Variants in DCAF10 observed in about 807,000 individuals in gnomAD.
DCAF10 encodes DDB1- and CUL4-associated factor 10.
Under a neutral mutation model 51.9 loss-of-function variants are expected in DCAF10, and 19 were observed. The observed-to-expected ratio is 0.37, with a 90% CI of 0.26 to 0.54. The LOEUF is 0.54. Among genes scored for constraint, DCAF10 ranks in the 20% least tolerant of loss-of-function variants. The pLI is 0.87. For missense variants in DCAF10, 510 were observed against 730.6 expected, an observed-to-expected ratio of 0.70 and a Z score of 3.48; for synonymous variants, 291 against 297.1, an observed-to-expected ratio of 0.98 and a Z score of 0.21.
intron 2 of DCAF10, among the ~76,000 whole-genome samples, chr9:37,825,036 TAGA>T (rs977716180): frequency 6.6e-6 from 1 of 152,120 alleles, no homozygotes; most frequent in African/African-American, 2.4e-5. Context: ...AATTAGGCAG[TAGA>T]AGATTTTAAA....
intron 2 of DCAF10, among the ~76,000 whole-genome samples, chr9:37,827,440 T>G (rs1829885174): frequency 6.6e-6 from 1 of 151,594 alleles, no homozygotes; most frequent in Admixed American, 6.6e-5. Context: ...GGTGGTAGAG[T>G]TAATGTATTT....
At position 37,860,048 on chromosome 9, in the gene DCAF10, G is replaced by C. The variant is rs1457915280; in HGVS notation, c.1166G>C (p.Gly389Ala). Residue 389 changes from glycine (G) to alanine (A), a missense_variant and splice_region_variant, in exon 6 of 7, where the codon GGA (glycine) becomes GCA (alanine). By Grantham distance (60) the Gly-to-Ala change is moderately conservative. Around this residue, in one of 4 missense-constraint regions of DCAF10, gnomAD observed 29 missense variants for 24.9 expected, o/e 1.16. Transcript: ENST00000377724. ...ACATCCTCATTTTCTTATATCTCAG[G>C]AGTTTCACCACGAAATAGTCTTGAA... Reference protein sequence around the residue: ...KHMSRASQREGVSPRNSLEVV... With the variant: ...KHMSRASQREAVSPRNSLEVV... 1 of 1,613,916 alleles carries C rather than the reference G, an allele frequency of 6.2e-7. No homozygotes were observed. Among genetic ancestry groups the C allele is most frequent in the South Asian group, 1.1e-5 (1 of 91,046 alleles).
In DCAF10 at chr9:37,864,840, C is replaced by G. The variant is rs1192830096; in HGVS notation, c.*3332C>G. ...AATAATATACAGACTTCACTACTAA[C>G]CCTCACAAAAACTTGCAGGGTAGGT... On this transcript the variant is annotated 3_prime_UTR_variant, in exon 7 of 7. Coordinates refer to ENST00000377724, the MANE Select transcript of DCAF10 (RefSeq NM_024345.5). 6.6e-6 allele frequency: 1 copy of G among 152,088 alleles called. No homozygotes were observed. Among genetic ancestry groups the G allele is most frequent in the South Asian group, 2.1e-4 (1 of 4,830 alleles). 9.4% of individuals were successfully genotyped at this position (152,088 alleles called of 1,614,324 possible).
intron 2 of DCAF10, among the ~76,000 whole-genome samples, chr9:37,833,363 T>C (rs975996838): frequency 2.0e-5 from 3 of 152,180 alleles, no homozygotes; most frequent in African/African-American, 4.8e-5. Flanking sequence ...CAAAATAAAT[T>C]TAATACCCAG....
At position 37,865,730 on chromosome 9, in the gene DCAF10, T is replaced by A. The variant is rs1486357649; in HGVS notation, c.*4222T>A. 1 of 152,188 alleles carries A rather than the reference T, an allele frequency of 6.6e-6. No individual in the cohort carries two copies. The highest frequency in any genetic ancestry group is 1.9e-4 in the East Asian group (1 of 5,188). The allele number at this position is 152,188 out of a possible 1,614,324, so 9.4% of individuals were successfully genotyped here. ...CGTCTATTTTAGTCTTTTAAAAATG[T>A]GTGTGGGTGGTCTTTTTTCCTCAGA... On this transcript the variant is annotated 3_prime_UTR_variant, in exon 7 of 7. Transcript: ENST00000377724.
intron 2 of DCAF10, among the ~76,000 whole-genome samples, chr9:37,838,854 C>T (rs1295411229): frequency 2.0e-5 from 3 of 149,972 alleles, no homozygotes; most frequent in Admixed American, 6.7e-5. Flanking sequence ...GGGGATAAAG[C>T]GTGACTCTGT....
At chr9:37,857,435 A>AAAAC in intron 5 of DCAF10, 84 bp downstream of exon 5, 5 of 1,004,604 alleles carry the variant, frequency 5.0e-6, no homozygotes, top group Non-Finnish European at 7.1e-6. Flanking sequence ...AACCAGTTTT[A>AAAAC]TGGTTTTAAT....
At position 37,800,898 on chromosome 9, in the gene DCAF10, G is replaced by A. The variant is rs1294359144; in HGVS notation, c.32G>A (p.Gly11Glu). 4.7e-6 allele frequency: 7 copies of A among 1,497,204 alleles called. No homozygotes were observed. In the South Asian group the frequency reaches 7.7e-5, roughly 16 times the overall value. The allele number at this position is 1,497,204 out of a possible 1,614,324, so 92.7% of individuals were successfully genotyped here. ...CCCTTTGGGCCCCATAGCCCTGGAGGGGACGGATCGGCCGGAGCCGGGGCT... is the reference window on the plus strand; with the variant it reads ...CCCTTTGGGCCCCATAGCCCTGGAGAGGACGGATCGGCCGGAGCCGGGGCT... MFPFGPHSPG[G>E]DGSAGAGAEE... Residue 11 changes from glycine to glutamate, a missense_variant, in exon 1 of 7, where the codon GGG (glycine) becomes GAG (glutamate). This residue lies in a region of DCAF10 where 251 missense variants were observed against 227.9 expected (regional missense o/e 1.10). Coordinates refer to ENST00000377724, the MANE Select transcript of DCAF10 (RefSeq NM_024345.5).
chr9:37,807,592 A>G (rs1829153672), intron 1 of DCAF10, among the ~76,000 whole-genome samples: 1 of 150,978 alleles, frequency 6.6e-6, no homozygotes, highest in Non-Finnish European at 1.5e-5. Context: ...AGGTTAATTT[A>G]TTTAGAAAAT....
chr9:37,819,790 T>C (rs35014776), intron 2 of DCAF10, among the ~76,000 whole-genome samples: 18,359 of 152,224 alleles, frequency 0.12, 1,337 homozygotes, highest in Non-Finnish European at 0.16. Flanking sequence ...ATACAGACTG[T>C]TAAGAGGAAA....
chr9:37,812,597 C>T (rs888235466), intron 1 of DCAF10, among the ~76,000 whole-genome samples: 7 of 152,094 alleles, frequency 4.6e-5, no homozygotes, highest in Non-Finnish European at 1.0e-4. Flanking sequence ...ATGAAAAGAA[C>T]AAAAATAAAT....
rs188649445 is a variant in DCAF10 at position 37,862,253 on chromosome 9, A to G, written c.*745A>G. The G allele has an allele frequency of 1.3e-5, 2 of 152,734 alleles. No homozygotes were observed. The highest frequency in any genetic ancestry group is 1.9e-4 in the East Asian group (1 of 5,194). 9.5% of individuals were successfully genotyped at this position (152,734 alleles called of 1,614,324 possible). On this transcript the variant is annotated 3_prime_UTR_variant, in exon 7 of 7. Coordinates refer to ENST00000377724, the MANE Select transcript of DCAF10 (RefSeq NM_024345.5). ...CATCTCTAGCATGTATCCTTACTTGATATTTTGTTCCTATCAACAGCATTA... is the reference window on the plus strand; with the variant it reads ...CATCTCTAGCATGTATCCTTACTTGGTATTTTGTTCCTATCAACAGCATTA...
chr9:37,815,868 A>C (rs1829512321), intron 1 of DCAF10, among the ~76,000 whole-genome samples: 1 of 151,870 alleles, frequency 6.6e-6, no homozygotes, highest in Non-Finnish European at 1.5e-5. Flanking sequence ...ATTATAGCTC[A>C]CTACAGCCTC....
chr9:37,815,013 G>A (rs910330998), intron 1 of DCAF10, among the ~76,000 whole-genome samples: 4 of 152,006 alleles, frequency 2.6e-5, no homozygotes, highest in Non-Finnish European at 5.9e-5. Flanking sequence ...ATAAAAGACT[G>A]ATTTGAAATT....
At chr9:37,805,232 A>G (rs1401548384) in intron 1 of DCAF10, among the ~76,000 whole-genome samples, 2 of 152,222 alleles carry the variant, frequency 1.3e-5, no homozygotes, top group Admixed American at 1.3e-4. Flanking sequence ...CTGTAATCCC[A>G]GCACTTTGGG....
intron 4 of DCAF10, among the ~76,000 whole-genome samples, chr9:37,856,036 A>G (rs905740971): frequency 6.6e-6 from 1 of 152,172 alleles, no homozygotes; most frequent in Non-Finnish European, 1.5e-5. Context: ...CTGTAGTCCC[A>G]TCTACTCAGG....
chr9:37,865,309 A>G lies in DCAF10; in HGVS notation c.*3801A>G, dbSNP rs1175060014. 7 of 152,184 alleles carry G rather than the reference A, an allele frequency of 4.6e-5. No homozygotes were observed. Among genetic ancestry groups the G allele is most frequent in the Middle Eastern group, 3.2e-3 (1 of 316 alleles). 9.4% of individuals were successfully genotyped at this position (152,184 alleles called of 1,614,324 possible). On this transcript the variant is annotated 3_prime_UTR_variant, in exon 7 of 7. Coordinates refer to ENST00000377724, the MANE Select transcript of DCAF10 (RefSeq NM_024345.5). ...AGATGAGAATTAAAAATTAACAGCC[A>G]GCAAACTCAAAAGAACCTTTGTCCT...
At chr9:37,831,785 T>C (rs1830013071) in intron 2 of DCAF10, among the ~76,000 whole-genome samples, 1 of 152,066 alleles carries the variant, frequency 6.6e-6, no homozygotes, top group Non-Finnish European at 1.5e-5. Flanking sequence ...GGATTTAGAG[T>C]TCCTTTAATA....
chr9:37,816,747 T>C (rs1037447262), intron 1 of DCAF10, among the ~76,000 whole-genome samples: 3 of 151,994 alleles, frequency 2.0e-5, no homozygotes, highest in African/African-American at 7.3e-5. Context: ...AGATCCAAGA[T>C]TTACTCAGAT....
Sources: gnomAD v4.1 joint callset for allele counts (sites outside exome capture counted in the v4.1 genomes callset) on GRCh38, gnomAD v4.1.1 for gene constraint, gnomAD v4.1.1 regional missense constraint, MANE v1.5 for transcripts, NCBI Gene and HGNC (gene_info 2026-07-23, HGNC 2026-07-21) for gene names.